Variants in SDK1 observed in about 807,000 individuals in gnomAD.
SDK1 encodes sidekick cell adhesion molecule 1.
In SDK1, 157 loss-of-function variants were observed where a neutral mutation model predicts 245.5. The observed-to-expected ratio is 0.64, with a 90% CI of 0.56 to 0.73. The LOEUF (loss-of-function observed/expected upper bound fraction) is 0.73. Among genes scored for constraint, SDK1 ranks in the 30% least tolerant of loss-of-function variants. SDK1 has a pLI of 0.00. For missense variants in SDK1, 3,583 were observed against 3,002.3 expected, an observed-to-expected ratio of 1.19 and a Z score of -4.52; for synonymous variants, 1,647 against 1,278.5, an observed-to-expected ratio of 1.29 and a Z score of -6.15.
chr7:3,667,733 CG>C (rs1562643195), intron 4 of SDK1, among the ~76,000 whole-genome samples: 2 of 152,164 alleles, frequency 1.3e-5, no homozygotes. Flanking sequence ...TTTCAGTTCT[CG>C]TAATGCATCT....
intron 1 of SDK1, among the ~76,000 whole-genome samples, chr7:3,333,237 A>G (rs1780114643): frequency 1.3e-5 from 2 of 152,140 alleles, no homozygotes; most frequent in African/African-American, 2.4e-5. Flanking sequence ...ATGGCCGGTT[A>G]TTGGCAAAAA....
intron 40 of SDK1, among the ~76,000 whole-genome samples, chr7:4,226,634 C>A (rs1042455717): frequency 6.6e-6 from 1 of 152,234 alleles, no homozygotes; most frequent in Non-Finnish European, 1.5e-5. Context: ...GACACCGCCA[C>A]CAGCTTCCAC....
At chr7:3,868,369 A>G (rs1446416864) in intron 5 of SDK1, among the ~76,000 whole-genome samples, 3 of 152,220 alleles carry the variant, frequency 2.0e-5, no homozygotes, top group Non-Finnish European at 2.9e-5. Context: ...CCTTGATATA[A>G]TGAGGTTAAA....
At chr7:4,189,846 G>T (rs1783090586) in intron 35 of SDK1, among the ~76,000 whole-genome samples, 1 of 152,172 alleles carries the variant, frequency 6.6e-6, no homozygotes, top group South Asian at 2.1e-4. Context: ...GGTTGTTCCT[G>T]GTGTACATGT....
At chr7:4,061,410 T>G (rs1199685165) in intron 19 of SDK1, among the ~76,000 whole-genome samples, 1 of 152,060 alleles carries the variant, frequency 6.6e-6, no homozygotes, top group African/African-American at 2.4e-5. Context: ...ATCAGAGAAA[T>G]GCAAATCAAA....
chr7:3,527,317 C>T (rs539602775), intron 1 of SDK1, among the ~76,000 whole-genome samples: 4 of 152,256 alleles, frequency 2.6e-5, no homozygotes, highest in Admixed American at 2.6e-4. Context: ...GATAGAGCTG[C>T]AGAGTGTTGA....
intron 1 of SDK1, among the ~76,000 whole-genome samples, chr7:3,615,902 G>T (rs1781753429): frequency 7.0e-6 from 1 of 143,008 alleles, no homozygotes; most frequent in Non-Finnish European, 1.6e-5. Context: ...TCTGAGACAG[G>T]GTCTTGGTCT....
chr7:4,243,284 G>A (rs1317384058), intron 43 of SDK1, among the ~76,000 whole-genome samples: 1 of 152,166 alleles, frequency 6.6e-6, no homozygotes, highest in Non-Finnish European at 1.5e-5. Context: ...TCATTTGATG[G>A]TGAGGTTGGA....
chr7:4,059,389 G>A (rs552667417), intron 19 of SDK1, among the ~76,000 whole-genome samples: 1 of 152,240 alleles, frequency 6.6e-6, no homozygotes, highest in South Asian at 2.1e-4. Flanking sequence ...TTCAACAAGA[G>A]GATATAACAA....
intron 25 of SDK1, among the ~76,000 whole-genome samples, chr7:4,115,124 C>T (rs749466695): frequency 3.3e-5 from 5 of 152,114 alleles, no homozygotes; most frequent in African/African-American, 4.8e-5. Flanking sequence ...AAAGGAAGGA[C>T]GGCAATTAAC....
intron 5 of SDK1, among the ~76,000 whole-genome samples, chr7:3,885,965 C>T (rs1233249384): frequency 6.6e-6 from 1 of 152,116 alleles, no homozygotes; most frequent in African/African-American, 2.4e-5. Context: ...TCAGAGGCAT[C>T]CCGTGAAAAA....
chr7:4,206,008 G>A lies in SDK1; in HGVS notation c.5214+14G>A, dbSNP rs369488496. ...CAAGGCTACAAGGCAAGGCCCTCCC[G>A]TGCGGTTGCCTCCCCTGGCTCGCTT... On this transcript the variant is annotated intron_variant, in intron 36 of 44. Coordinates refer to ENST00000404826, the MANE Select transcript of SDK1 (RefSeq NM_152744.4). 1.2e-4 allele frequency: 187 copies of A among 1,497,990 alleles called. No homozygotes were observed. The highest frequency in any genetic ancestry group is 1.5e-4 in the Non-Finnish European group (162 of 1,112,670). The allele number at this position is 1,497,990 out of a possible 1,614,324, so 92.8% of individuals were successfully genotyped here. A position where few individuals can be genotyped will look rare whatever the true frequency, so the allele number is the denominator to read the frequency against.
At chr7:4,256,428 A>G (rs2128242164) in intron 44 of SDK1, among the ~76,000 whole-genome samples, 1 of 152,350 alleles carries the variant, frequency 6.6e-6, no homozygotes, top group South Asian at 2.1e-4. Context: ...AACGGAATCC[A>G]GTCCCAGAAC....
chr7:3,815,929 A>G (rs13228103), intron 4 of SDK1, among the ~76,000 whole-genome samples: 39,309 of 129,118 alleles, frequency 0.3, 7,380 homozygotes, highest in African/African-American at 0.53. Context: ...CTAGAACTCA[A>G]GATTAAGAAT....
rs552018105 is a variant in SDK1 at position 4,159,412 on chromosome 7, G to A, written c.4729+861G>A. 4.6e-5 allele frequency among the ~76,000 whole-genome samples: 7 copies of A among 152,338 alleles called. No individual in the cohort carries two copies. In the East Asian group the frequency reaches 1.4e-3, roughly 29 times the overall value. The stretch of plus-strand genomic sequence containing the variant: ...CTCAGCAACTCACAGAGGCTGTTTT[G>A]CTGCAAACCCTGCACTCCCAGCAGA... On this transcript the variant is annotated intron_variant, in intron 31 of 44. Transcript: ENST00000404826.
intron 1 of SDK1, among the ~76,000 whole-genome samples, chr7:3,453,708 T>C (rs1780588938): frequency 6.6e-6 from 1 of 152,042 alleles, no homozygotes; most frequent in Admixed American, 6.5e-5. Context: ...GTCTCTCCAC[T>C]CACTGGCACT....
chr7:3,625,346 T>A (rs747535748), intron 2 of SDK1, among the ~76,000 whole-genome samples: 8 of 152,202 alleles, frequency 5.3e-5, no homozygotes, highest in Non-Finnish European at 7.3e-5. Context: ...TTGCTTAATC[T>A]TATAAGTTAA....
chr7:3,671,540 A>C lies in SDK1; in HGVS notation c.713+29435A>C, dbSNP rs552300390. Among the ~76,000 whole-genome samples, 4 of 152,306 alleles carry C rather than the reference A, an allele frequency of 2.6e-5. No individual in the cohort carries two copies. The East Asian group carries it at 7.7e-4, about 29-fold the overall frequency. The stretch of plus-strand genomic sequence containing the variant: ...CTTCTTTCTCAATATAGCTGAGACA[A>C]ATGTGTAGTCTGTATGATCATATCA... On this transcript the variant is annotated intron_variant, in intron 4 of 44. Transcript: ENST00000404826.
chr7:3,948,716 C>T (rs553141383), intron 5 of SDK1, among the ~76,000 whole-genome samples: 1 of 152,338 alleles, frequency 6.6e-6, no homozygotes, highest in African/African-American at 2.4e-5. Flanking sequence ...CATCTGTCCA[C>T]AGCACAGCCC....
Sources: gnomAD v4.1 joint callset for allele counts (sites outside exome capture counted in the v4.1 genomes callset) on GRCh38, gnomAD v4.1.1 for gene constraint, MANE v1.5 for transcripts, NCBI Gene and HGNC (gene_info 2026-07-23, HGNC 2026-07-21) for gene names.